Variants in SEMA5A observed in about 807,000 individuals in gnomAD.
The protein encoded by SEMA5A is semaphorin 5A, also known as semaphorin-5A.
SEMA5A carries 55 observed loss-of-function variants against 135.5 expected under a neutral mutation model. That is an observed-to-expected ratio of 0.41 (90% confidence interval 0.33 to 0.51). The LOEUF (loss-of-function observed/expected upper bound fraction) is 0.51. SEMA5A is among the 20% of genes least tolerant of loss of function. The pLI, the probability that SEMA5A is intolerant of heterozygous loss-of-function variation, is 0.37. For missense variants in SEMA5A, 1,290 were observed against 1,419.9 expected, an observed-to-expected ratio of 0.91 and a Z score of 1.47; for synonymous variants, 580 against 546.5, an observed-to-expected ratio of 1.06 and a Z score of -0.85.
At chr5:9,438,531 A>G (rs1257052736) in intron 1 of SEMA5A, among the ~76,000 whole-genome samples, 1 of 152,210 alleles carries the variant, frequency 6.6e-6, no homozygotes, top group Non-Finnish European at 1.5e-5. Context: ...CCCTAGAAAC[A>G]TGTATGCCAG....
chr5:9,490,417 T>C (rs1483542824), intron 1 of SEMA5A, among the ~76,000 whole-genome samples: 1 of 152,148 alleles, frequency 6.6e-6, no homozygotes, highest in Non-Finnish European at 1.5e-5. Flanking sequence ...TTTTCTTCTT[T>C]CATAGGATCC....
intron 5 of SEMA5A, among the ~76,000 whole-genome samples, chr5:9,286,607 T>C (rs1182699054): frequency 6.6e-6 from 1 of 152,144 alleles, no homozygotes; most frequent in Non-Finnish European, 1.5e-5. Flanking sequence ...TGACCAGGGC[T>C]GGACAGTTAA....
chr5:9,095,629 T>C (rs1214553255), intron 16 of SEMA5A, among the ~76,000 whole-genome samples: 1 of 152,256 alleles, frequency 6.6e-6, no homozygotes, highest in Non-Finnish European at 1.5e-5. Flanking sequence ...TCAAAAATTA[T>C]TATGTGTGCA....
intron 2 of SEMA5A, among the ~76,000 whole-genome samples, chr5:9,422,723 C>G (rs983759386): frequency 1.5e-4 from 23 of 152,076 alleles, no homozygotes; most frequent in African/African-American, 5.1e-4. Context: ...TCTGATCTTC[C>G]AAAGCATTTT....
At chr5:9,502,396 G>A (rs1735644215) in intron 1 of SEMA5A, among the ~76,000 whole-genome samples, 1 of 152,208 alleles carries the variant, frequency 6.6e-6, no homozygotes, top group African/African-American at 2.4e-5. Flanking sequence ...CCCAGGGTGA[G>A]AATGCCAGGC....
chr5:9,121,111 C>T (rs919937996), intron 14 of SEMA5A, among the ~76,000 whole-genome samples: 2 of 151,976 alleles, frequency 1.3e-5, no homozygotes, highest in Non-Finnish European at 2.9e-5. Flanking sequence ...ATTCCATTTA[C>T]AATATATGGA....
chr5:9,502,527 T>G (rs572813184), intron 1 of SEMA5A, among the ~76,000 whole-genome samples: 2 of 152,288 alleles, frequency 1.3e-5, no homozygotes, highest in South Asian at 4.1e-4. Context: ...GGAGTCGCTT[T>G]CAGCTGTGGG....
rs1228179800 is a variant in SEMA5A, at chr5:9,441,332, T to C, written c.-174-3480A>G. Among the ~76,000 whole-genome samples, 4 of 152,222 alleles carry C rather than the reference T, an allele frequency of 2.6e-5. No individual in the cohort carries two copies. In the East Asian group the frequency reaches 7.7e-4, roughly 29 times the overall value. ...GATGAGGAGGAGATAAGGAGGATAT[T>C]AAAAGACACAGTGAAGTATGTTTTA... On this transcript the variant is annotated intron_variant, in intron 1 of 22. Coordinates refer to ENST00000382496, the MANE Select transcript of SEMA5A (RefSeq NM_003966.3).
intron 6 of SEMA5A, among the ~76,000 whole-genome samples, chr5:9,230,158 CTTTTTTT>C (rs5865817): frequency 0.013 from 1,236 of 98,270 alleles, 12 homozygotes; most frequent in African/African-American, 0.039. Context: ...CTATTTTTTT[CTTTTTTT>C]TTTTTTTTTT....
chr5:9,434,417 T>C, intron 2 of SEMA5A, among the ~76,000 whole-genome samples: 1 of 152,174 alleles, frequency 6.6e-6, no homozygotes, highest in Admixed American at 6.5e-5. Context: ...TTCACTACAT[T>C]AATGCACTTT....
At position 9,182,156 on chromosome 5, in the gene SEMA5A, A is replaced by G. The variant is rs2428655; in HGVS notation, c.1273+8111T>C. Among the ~76,000 whole-genome samples the G allele has an allele frequency of 3.0e-3, 330 of 109,768 alleles. 19 individuals carry two copies. The highest frequency in any genetic ancestry group is 0.012 in the African/African-American group (307 of 26,342). The allele number at this position is 109,768 out of a possible 152,430, so 72.0% of individuals were successfully genotyped here. A position where few individuals can be genotyped will look rare whatever the true frequency, so the allele number is the denominator to read the frequency against. ...GCTTGTTTTATTGCTTCTGCCCCCC[A>G]CCCCAAAAAAAAATACGCTTCCTGA... On this transcript the variant is annotated intron_variant, in intron 11 of 22. Transcript: ENST00000382496.
intron 2 of SEMA5A, among the ~76,000 whole-genome samples, chr5:9,429,776 T>A (rs1757791637): frequency 6.6e-6 from 1 of 151,880 alleles, no homozygotes; most frequent in African/African-American, 2.4e-5. Context: ...AGGAGGCCAG[T>A]GAAACTGAAG....
intron 3 of SEMA5A, among the ~76,000 whole-genome samples, chr5:9,349,989 G>A (rs966374153): frequency 4.6e-5 from 7 of 151,998 alleles, no homozygotes; most frequent in Admixed American, 1.3e-4. Flanking sequence ...TGTATTCTAA[G>A]TCTTCGAAAT....
intron 2 of SEMA5A, among the ~76,000 whole-genome samples, chr5:9,411,581 C>T (rs1248761130): frequency 6.6e-6 from 1 of 152,104 alleles, no homozygotes; most frequent in African/African-American, 2.4e-5. Flanking sequence ...AAGGATGGCT[C>T]GTCCTCAGTC....
intron 21 of SEMA5A, among the ~76,000 whole-genome samples, chr5:9,045,028 G>T (rs2150028547): frequency 6.6e-6 from 1 of 152,166 alleles, no homozygotes; most frequent in South Asian, 2.1e-4. Context: ...CAGATGATCT[G>T]CCAGCCTCAG....
chr5:9,433,189 G>A (rs1327946183), intron 2 of SEMA5A, among the ~76,000 whole-genome samples: 1 of 151,850 alleles, frequency 6.6e-6, no homozygotes, highest in Non-Finnish European at 1.5e-5. Flanking sequence ...ACATTGAGAA[G>A]GTTTTAAAAA....
At chr5:9,513,635 G>A (rs879648185) in intron 1 of SEMA5A, among the ~76,000 whole-genome samples, 7 of 152,190 alleles carry the variant, frequency 4.6e-5, no homozygotes, top group African/African-American at 1.7e-4. Flanking sequence ...ACAATACAGA[G>A]CTGTGTCTTA....
chr5:9,254,206 G>A (rs999875132), intron 5 of SEMA5A, among the ~76,000 whole-genome samples: 3 of 152,156 alleles, frequency 2.0e-5, no homozygotes, highest in African/African-American at 7.2e-5. Context: ...TATAATATGA[G>A]CTTTTCTAAA....
At chr5:9,167,430 G>GAATCC (rs1363260720) in intron 11 of SEMA5A, among the ~76,000 whole-genome samples, 1 of 152,124 alleles carries the variant, frequency 6.6e-6, no homozygotes, top group Non-Finnish European at 1.5e-5. Context: ...CTGAAATCCT[G>GAATCC]AATCCACTGG....
Sources: gnomAD v4.1 joint callset for allele counts (sites outside exome capture counted in the v4.1 genomes callset) on GRCh38, gnomAD v4.1.1 for gene constraint, MANE v1.5 for transcripts, NCBI Gene and HGNC (gene_info 2026-07-23, HGNC 2026-07-21) for gene names.